Variants in CNPPD1 observed in about 807,000 individuals in gnomAD.
The protein encoded by CNPPD1 is cyclin Pas1/PHO80 domain containing 1, also known as protein CNPPD1.
Under a neutral mutation model 43.7 loss-of-function variants are expected in CNPPD1, and 40 were observed. That is an observed-to-expected ratio of 0.92 (90% confidence interval 0.71 to 1.19). CNPPD1 has a LOEUF of 1.19. CNPPD1 is among the 50% of genes most tolerant of loss of function. The pLI is 0.00. For missense variants in CNPPD1, 511 were observed against 518.5 expected (o/e 0.99, Z 0.14); for synonymous variants, 208 against 214.3 (o/e 0.97, Z 0.26).
chr2:219,176,752 C>A lies in CNPPD1; in HGVS notation c.69+8G>T. The stretch of plus-strand genomic sequence containing the variant: ...GGAGGCCGGGGAGGGGGCGGGACCC[C>A]CACTCACCGTGAAGTCCTGGAAGCC... On this transcript the variant is annotated splice_region_variant and intron_variant, in intron 1 of 7. Coordinates refer to ENST00000360507, the MANE Select transcript of CNPPD1 (RefSeq NM_015680.6). 1 of 1,566,868 alleles carries A rather than the reference C, an allele frequency of 6.4e-7. No homozygotes were observed. Among genetic ancestry groups the A allele is most frequent in the Non-Finnish European group, 8.6e-7 (1 of 1,156,096 alleles).
At chr2:219,174,083 C>T (rs1950119569) in intron 6 of CNPPD1, 63 bp downstream of exon 6, 5 of 1,475,430 alleles carry the variant, frequency 3.4e-6, no homozygotes, top group Non-Finnish European at 4.7e-6. Context: ...ATCTCTAGCT[C>T]CTATGGCTGA....
In CNPPD1 at chr2:219,173,447, C is replaced by T. The variant is rs558979073; in HGVS notation, c.593G>A (p.Arg198Gln). ...LESCVAEQQG[R>Q]WRGWYTYTDL... ...TGTGTAGGTGTACCAGCCTCGCCAC[C>T]GTCCCTGCTGCTCAGCCACACTGGG... Residue 198 changes from arginine (R) to glutamine (Q), a missense_variant, in exon 7 of 8, where the codon CGG becomes CAG. Physicochemically the swap from Arg to Gln is conservative, Grantham distance 43. Coordinates refer to ENST00000360507, the MANE Select transcript of CNPPD1 (RefSeq NM_015680.6). The T allele has an allele frequency of 1.1e-5, 17 of 1,613,882 alleles. No individual in the cohort carries two copies. Among genetic ancestry groups the T allele is most frequent in the Admixed American group, 5.0e-5 (3 of 60,016 alleles).
rs1335715464 is a variant in CNPPD1, at chr2:219,176,309, A to G, written c.92T>C (p.Leu31Pro). The change falls in exon 2 of 8, where the codon CTG (leucine) becomes CCG (proline). Residue 31 changes from leucine (L) to proline (P), a missense_variant. Leu to Pro is a moderately conservative substitution (Grantham distance 98). Transcript: ENST00000360507. Reference protein sequence around the residue: ...DFTFLPGHQKLSARIRRRLYY... With the variant: ...DFTFLPGHQKPSARIRRRLYY... ...GAGCCTCCTTCGGATCCGGGCACTC[A>G]GCTTCTGGTGTCCTGGGAGGAACTG... The G allele has an allele frequency of 1.9e-6, 3 of 1,614,068 alleles. No individual in the cohort carries two copies. Among genetic ancestry groups the G allele is most frequent in the Non-Finnish European group, 2.5e-6 (3 of 1,179,924 alleles).
Position 219,175,013 on chromosome 2 carries a change from G to A in CNPPD1, c.356C>T (p.Ser119Phe), listed in dbSNP as rs141693536. ...RNPDYLQHVSSSDLFLISMMV... is the reference protein window; with the variant it reads ...RNPDYLQHVSFSDLFLISMMV... The stretch of plus-strand genomic sequence containing the variant: ...CATGGAGATCAGGAACAAGTCAGAG[G>A]ATGACACATGCTGCAAGTAGTCTGG... The change falls in exon 4 of 8, where the codon TCC (serine) becomes TTC (phenylalanine). Residue 119 changes from serine (S) to phenylalanine (F), a missense_variant. Coordinates refer to ENST00000360507, the MANE Select transcript of CNPPD1 (RefSeq NM_015680.6). 3 of 1,614,110 alleles carry A rather than the reference G, an allele frequency of 1.9e-6. No homozygotes were observed. The highest frequency in any genetic ancestry group is 2.5e-6 in the Non-Finnish European group (3 of 1,180,026).
Position 219,173,032 on chromosome 2 carries a change from G to T in CNPPD1, c.787C>A (p.Pro263Thr). 1 of 1,613,320 alleles carries T rather than the reference G, an allele frequency of 6.2e-7. No individual in the cohort carries two copies. Residue 263 changes from proline to threonine, a missense_variant, in exon 8 of 8, where the codon CCT (proline) becomes ACT (threonine). Physicochemically the swap from Pro to Thr is conservative, Grantham distance 38 (BLOSUM62 -1). Coordinates refer to ENST00000360507, the MANE Select transcript of CNPPD1 (RefSeq NM_015680.6). ...CCAAGGTCAGGCGGCCCAGGTGTAGGGATGCAGGACAGCCCCAAAGACTGA... is the reference window on the plus strand; with the variant it reads ...CCAAGGTCAGGCGGCCCAGGTGTAGTGATGCAGGACAGCCCCAAAGACTGA... Reference protein sequence around the residue: ...IHQSLGLSCIPTPGPPDLGLT... With the variant: ...IHQSLGLSCITTPGPPDLGLT...
In CNPPD1 at chr2:219,172,409, G is replaced by T; in HGVS notation, c.*177C>A. On this transcript the variant is annotated 3_prime_UTR_variant, in exon 8 of 8. Transcript: ENST00000360507. ...TGTCCTGGCCAAGCAGCCAGCCACT[G>T]CGATCTAGGAGTGAATTACCTTCAG... 1 of 699,260 alleles carries T rather than the reference G, an allele frequency of 1.4e-6. No individual in the cohort carries two copies. The highest frequency in any genetic ancestry group is 2.4e-6 in the Non-Finnish European group (1 of 408,192). The allele number at this position is 699,260 out of a possible 1,614,324, so 43.3% of individuals were successfully genotyped here.
At position 219,172,361 on chromosome 2, in the gene CNPPD1, G is replaced by C; in HGVS notation, c.*225C>G. On this transcript the variant is annotated 3_prime_UTR_variant, in exon 8 of 8. Coordinates refer to ENST00000360507, the MANE Select transcript of CNPPD1 (RefSeq NM_015680.6). ...GGGACATGTCCCTGGTCACCAAGCG[G>C]AAGCTCTCCCTGGCGGCATCACTGT... is the stretch of plus-strand genomic sequence containing the variant. The C allele has an allele frequency of 3.4e-6, 2 of 589,788 alleles. No individual in the cohort carries two copies. The highest frequency in any genetic ancestry group is 2.0e-5 in the South Asian group (1 of 49,580). The allele number at this position is 589,788 out of a possible 1,614,324, so 36.5% of individuals were successfully genotyped here. A position where few individuals can be genotyped will look rare whatever the true frequency, so the allele number is the denominator to read the frequency against.
chr2:219,177,561 T>TA (rs1202975111), upstream of CNPPD1: 1 of 151,954 alleles, frequency 6.6e-6, no homozygotes, highest in African/African-American at 2.4e-5. Context: ...TTTTTTTTTT[T>TA]ACTGTAATTT....
At position 219,173,094 on chromosome 2, in the gene CNPPD1, C is replaced by G; in HGVS notation, c.725G>C (p.Ser242Thr). 5.6e-6 allele frequency: 9 copies of G among 1,601,700 alleles called. No homozygotes were observed. The highest frequency in any genetic ancestry group is 6.8e-6 in the Non-Finnish European group (8 of 1,176,634). The change falls in exon 8 of 8, where the codon AGT becomes ACT. Residue 242 changes from serine (S) to threonine (T), a missense_variant. Ser to Thr is a moderately conservative substitution (Grantham distance 58, BLOSUM62 1). Coordinates refer to ENST00000360507, the MANE Select transcript of CNPPD1 (RefSeq NM_015680.6). Reference protein sequence around the residue: ...SCLLAVAYVSSVALAVASVAV... With the variant: ...SCLLAVAYVSTVALAVASVAV... ...CACCGATGCCACAGCCAGGGCCACA[C>G]TGCTCACATATGCCACAGCTAACAG...
chr2:219,174,660 CAGG>C, intron 5 of CNPPD1, 115 bp downstream of exon 5: 4 of 1,381,934 alleles, frequency 2.9e-6, no homozygotes, highest in Middle Eastern at 2.5e-4. Context: ...AACACAAAGG[CAGG>C]AGGAGGACAG....
chr2:219,177,010 T>A, upstream of CNPPD1: 1 of 548,962 alleles, frequency 1.8e-6, no homozygotes, highest in Non-Finnish European at 3.2e-6. Flanking sequence ...CGGGCTGAAC[T>A]GGGCGCCTCT....
chr2:219,174,026 G>A, intron 6 of CNPPD1, 120 bp downstream of exon 6: 1 of 959,766 alleles, frequency 1.0e-6, no homozygotes, highest in Non-Finnish European at 1.7e-6. Context: ...CACTATCTGG[G>A]CAATTCTCTT....
Position 219,174,041 on chromosome 2 carries a change from G to C in CNPPD1, c.572+105C>G, listed in dbSNP as rs561478081. On this transcript the variant is annotated intron_variant, in intron 6 of 7. Coordinates refer to ENST00000360507, the MANE Select transcript of CNPPD1 (RefSeq NM_015680.6). ...CACTATCTGGGCAATTCTCTTTCTT[G>C]TCTCCTCCCTCCCCCAGTTACACAG... The C allele has an allele frequency of 1.2e-5, 13 of 1,095,970 alleles. No homozygotes were observed. In the South Asian group the frequency reaches 1.5e-4, roughly 13 times the overall value. The allele number at this position is 1,095,970 out of a possible 1,614,324, so 67.9% of individuals were successfully genotyped here.
rs573456540 is a variant in CNPPD1 at position 219,172,733 on chromosome 2, C to T, written c.1086G>A (p.Ala362=). 4.1e-5 allele frequency: 66 copies of T among 1,613,036 alleles called. No individual in the cohort carries two copies. In the South Asian group the frequency reaches 4.9e-4, roughly 12 times the overall value. The change falls in exon 8 of 8, where the codon GCG becomes GCA. Residue 362 remains alanine (A), a synonymous_variant. Transcript: ENST00000360507. ...AGGTATGGTACCAGGGGCTGGACAGCGCAGTGGGGACTGTACGGTTGGGGT... is the reference window on the plus strand; with the variant it reads ...AGGTATGGTACCAGGGGCTGGACAGTGCAGTGGGGACTGTACGGTTGGGGT... ...CLHPNRTVPT[A]LSSPWYHTYG...
chr2:219,176,396 T>A, intron 1 of CNPPD1, 65 bp from the exon 2 acceptor site: 1 of 1,287,442 alleles, frequency 7.8e-7, no homozygotes, highest in Non-Finnish European at 1.1e-6. Context: ...ATCCTGGCTC[T>A]GGGCTGGAAG....
intron 6 of CNPPD1, 90 bp downstream of exon 6, chr2:219,174,056 C>A: frequency 8.2e-7 from 1 of 1,225,564 alleles, no homozygotes; most frequent in Admixed American, 1.7e-5. Flanking sequence ...CTCCCTCCCC[C>A]AGTTACACAG....
rs1410183539 is a variant in CNPPD1 at position 219,174,809 on chromosome 2, T to C, written c.479A>G (p.Asn160Ser). 25 of 1,611,668 alleles carry C rather than the reference T, an allele frequency of 1.6e-5. No individual in the cohort carries two copies. Among genetic ancestry groups the C allele is most frequent in the African/African-American group, 5.3e-5 (4 of 74,884 alleles). The change falls in exon 5 of 8, where the codon AAT becomes AGT. Residue 160 changes from asparagine to serine, a missense_variant. Transcript: ENST00000360507. ...ACTCAGGAAGCCCCTCTCCAAGGCA[T>C]TGAGAGTGGGCACGGCCACACCCCC... ...AAGGVAVPTL[N>S]ALERGFLSAM...
At position 219,175,639 on chromosome 2, in the gene CNPPD1, G is replaced by C. The variant is rs1234327553; in HGVS notation, c.212C>G (p.Pro71Arg). Residue 71 changes from proline (P) to arginine (R), a missense_variant, in exon 3 of 8, where the codon CCC becomes CGC. Pro to Arg is a moderately radical substitution (Grantham distance 103). Coordinates refer to ENST00000360507, the MANE Select transcript of CNPPD1 (RefSeq NM_015680.6). ...CTTCTGGAGTCGGCGAATAGGGCTG[G>C]GGGCTGCCTTCTGGAGCAGTTCGAC... ...IAVELLQKAAPSPIRRLQKKY... is the reference protein window; with the variant it reads ...IAVELLQKAARSPIRRLQKKY... 7.4e-6 allele frequency: 12 copies of C among 1,614,012 alleles called. No homozygotes were observed. The highest frequency in any genetic ancestry group is 1.0e-5 in the Non-Finnish European group (12 of 1,179,950).
In CNPPD1 at chr2:219,174,850, G is replaced by T; in HGVS notation, c.438C>A (p.Asp146Glu). ...CCACACCCCCAGCAGCTCCCCATTC[G>T]TCGTTGAAGACCTCCTCCTCCTCCC... ...DEGEEEEVFN[D>E]EWGAAGGVAV... is the part of the protein sequence containing the mutation. The change falls in exon 5 of 8, where the codon GAC (aspartate) becomes GAA (glutamate). Residue 146 changes from aspartate (D) to glutamate (E), a missense_variant. Transcript: ENST00000360507. 6.2e-7 allele frequency: 1 copy of T among 1,614,136 alleles called. No homozygotes were observed. Among genetic ancestry groups the T allele is most frequent in the Non-Finnish European group, 8.5e-7 (1 of 1,180,026 alleles).
Sources: gnomAD v4.1 joint callset for allele counts on GRCh38, gnomAD v4.1.1 for gene constraint, MANE v1.5 for transcripts, NCBI Gene and HGNC (gene_info 2026-07-23, HGNC 2026-07-21) for gene names.